CCDC88A: variants seen among roughly 807,000 people sequenced by gnomAD.
CCDC88A encodes the protein girdin.
In CCDC88A, 54 loss-of-function variants were observed where a neutral mutation model predicts 234.3. The observed-to-expected ratio is 0.23, with a 90% confidence interval of 0.19 to 0.29. CCDC88A has a LOEUF of 0.29. CCDC88A is among the 10% of genes least tolerant of loss of function. The probability of loss-of-function intolerance (pLI) is 1.00; values close to 1 mark genes in which losing one functional copy is unlikely to be tolerated. For missense variants in CCDC88A, 1,832 were observed against 2,123.4 expected, an observed-to-expected ratio of 0.86 and a Z score of 2.70; for synonymous variants, 753 against 737.8, an observed-to-expected ratio of 1.02 and a Z score of -0.33.
At position 55,295,169 on chromosome 2, in the gene CCDC88A, G is replaced by T. The variant is rs992877959; in HGVS notation, c.5551+428C>A. 2.2e-5 allele frequency: 29 copies of T among 1,309,124 alleles called. 1 individual carries two copies. In the African/African-American group the frequency reaches 4.2e-4, roughly 19 times the overall value. The allele number at this position is 1,309,124 out of a possible 1,614,324, so 81.1% of individuals were successfully genotyped here. On this transcript the variant is annotated intron_variant, in intron 31 of 32. Transcript: ENST00000436346. ...GGCATGCAGAAGTGACAAGATTGTT[G>T]CTATTTATAGAAAACTGTAGGTTAC...
At chr2:55,337,568 T>C (rs1261473390) in intron 13 of CCDC88A, 5 of 152,178 alleles carry the variant, frequency 3.3e-5, no homozygotes, top group Admixed American at 6.6e-5. Flanking sequence ...GCAATTTTAA[T>C]TTTTCTATTT....
rs1682463392 is a variant in CCDC88A, at chr2:55,312,532, T to C, written c.3981A>G (p.Leu1327=). The change falls in exon 23 of 33, where the codon CTA becomes CTG. Residue 1327 remains leucine (L), a synonymous_variant. Coordinates refer to ENST00000436346, the MANE Select transcript of CCDC88A (RefSeq NM_001365480.1). ...GCATTAATGTCTGAATTTGATCTAG[T>C]AGATGCCGATTTTCTTCTTCTAAAT... is the stretch of plus-strand genomic sequence containing the variant. ...KGNLEEENRH[L]LDQIQTLMLQ... is the part of the protein sequence containing the mutation. 2 of 1,610,798 alleles carry C rather than the reference T, an allele frequency of 1.2e-6. No homozygotes were observed. The highest frequency in any genetic ancestry group is 1.7e-6 in the Non-Finnish European group (2 of 1,178,486).
At chr2:55,304,790 G>T (rs1330045389) in intron 25 of CCDC88A, among the ~76,000 whole-genome samples, 3 of 152,052 alleles carry the variant, frequency 2.0e-5, no homozygotes, top group East Asian at 3.8e-4. Flanking sequence ...AAAAATTATT[G>T]TATCTTTTTA....
intron 17 of CCDC88A, among the ~76,000 whole-genome samples, chr2:55,324,868 A>C (rs1684070501): frequency 1.3e-5 from 2 of 150,664 alleles, no homozygotes; most frequent in African/African-American, 2.4e-5. Context: ...CTCGTCTTGA[A>C]CTCCTGGCCT....
intron 3 of CCDC88A, among the ~76,000 whole-genome samples, chr2:55,382,828 C>G (rs1331612211): frequency 6.6e-6 from 1 of 152,154 alleles, no homozygotes; most frequent in Non-Finnish European, 1.5e-5. Flanking sequence ...CATGACCTCT[C>G]ATATTACTAC....
At chr2:55,415,269 C>A (rs1558857114) in intron 2 of CCDC88A, among the ~76,000 whole-genome samples, 2 of 151,948 alleles carry the variant, frequency 1.3e-5, no homozygotes, top group Non-Finnish European at 2.9e-5. Context: ...GCACTATGAT[C>A]ACATATTCCA....
chr2:55,296,231 A>G (rs776023100), intron 30 of CCDC88A, 27 bp downstream of exon 30: 3 of 1,598,250 alleles, frequency 1.9e-6, no homozygotes, highest in Non-Finnish European at 1.7e-6. Flanking sequence ...GTTCATCTAA[A>G]TTAAGGTCAT....
chr2:55,366,669 T>C (rs1397937923), intron 5 of CCDC88A, among the ~76,000 whole-genome samples: 2 of 151,676 alleles, frequency 1.3e-5, no homozygotes, highest in Admixed American at 6.6e-5. Context: ...AACCCTAAAG[T>C]TGTACATCTT....
chr2:55,298,689 T>C (rs1680493877), intron 29 of CCDC88A, among the ~76,000 whole-genome samples: 2 of 151,288 alleles, frequency 1.3e-5, no homozygotes, highest in Admixed American at 1.3e-4. Flanking sequence ...GGGCAACATG[T>C]TAGAAACCCT....
Position 55,317,181 on chromosome 2 carries a change from G to A in CCDC88A, c.3746+25C>T, listed in dbSNP as rs778566236. The stretch of plus-strand genomic sequence containing the variant: ...TATATACTTTCTATATAAAATGTTT[G>A]TTATATATAATATATATTTATTACC... On this transcript the variant is annotated intron_variant, in intron 21 of 32. Transcript: ENST00000436346. This position sits in a 1 kb window ranked among gnomAD's most constrained non-coding sequence, Gnocchi z 4.2. 480 of 1,046,642 alleles carry A rather than the reference G, an allele frequency of 4.6e-4. 2 individuals are homozygous for A. The highest frequency in any genetic ancestry group is 4.1e-4 in the Non-Finnish European group (315 of 773,230). The allele number at this position is 1,046,642 out of a possible 1,614,324, so 64.8% of individuals were successfully genotyped here.
At chr2:55,346,566 C>T (rs1420350232) in intron 9 of CCDC88A, among the ~76,000 whole-genome samples, 6 of 151,890 alleles carry the variant, frequency 4.0e-5, no homozygotes, top group Non-Finnish European at 7.4e-5. Context: ...ATTAAAAGCT[C>T]CCCCCACCAT....
chr2:55,372,418 TAAAATGAAAATATGAAA>T lies in CCDC88A; in HGVS notation c.402+17_402+33del. ...TGATAAAAATATATAAAGAGGTTGT[TAAAATGAAAATATGAAA>T]AAATATTTTAACTTACCTGAACTGC... On this transcript the variant is annotated intron_variant, in intron 5 of 32. Coordinates refer to ENST00000436346, the MANE Select transcript of CCDC88A (RefSeq NM_001365480.1). 8.9e-7 allele frequency: 1 copy of T among 1,122,652 alleles called. No homozygotes were observed. Among genetic ancestry groups the T allele is most frequent in the Non-Finnish European group, 1.3e-6 (1 of 762,564 alleles). 69.5% of individuals were successfully genotyped at this position (1,122,652 alleles called of 1,614,324 possible).
At chr2:55,416,777 CTAA>C (rs1574548046) in intron 2 of CCDC88A, 1 of 151,486 alleles carries the variant, frequency 6.6e-6, no homozygotes. Flanking sequence ...AACAGAAATC[CTAA>C]TGACTTCAAA....
intron 3 of CCDC88A, among the ~76,000 whole-genome samples, chr2:55,380,069 A>C (rs1436669846): frequency 6.8e-6 from 1 of 147,310 alleles, no homozygotes; most frequent in Non-Finnish European, 1.5e-5. Flanking sequence ...ACTAAAAAAA[A>C]AAAAAAAAAA....
rs777996302 is a variant in CCDC88A at position 55,316,046 on chromosome 2, T to C, written c.3815A>G (p.Lys1272Arg). The change falls in exon 22 of 33, where the codon AAA becomes AGA. Residue 1272 changes from lysine (K) to arginine (R), a missense_variant. Physicochemically the swap from Lys to Arg is conservative, Grantham distance 26. This residue lies in a region of CCDC88A where 1,282 missense variants were observed against 1,543.6 expected (regional missense o/e 0.83). Transcript: ENST00000436346. ...CAGTTTGGAATTATTCAGAAGACTT[T>C]TCAAATTTTTATGGTCAGTTTGTAA... Reference protein sequence around the residue: ...EVLQTDHKNLKSLLNNSKLEQ... With the variant: ...EVLQTDHKNLRSLLNNSKLEQ... The C allele has an allele frequency of 3.1e-6, 5 of 1,589,424 alleles. 1 individual carries two copies. In the South Asian group the frequency reaches 5.7e-5, roughly 18 times the overall value.
At position 55,288,451 on chromosome 2, in the gene CCDC88A, G is replaced by T. The variant is rs1338801186; in HGVS notation, c.*2749C>A. 6.6e-6 allele frequency: 1 copy of T among 152,636 alleles called. No individual in the cohort carries two copies. Among genetic ancestry groups the T allele is most frequent in the Non-Finnish European group, 1.5e-5 (1 of 68,034 alleles). 9.5% of individuals were successfully genotyped at this position (152,636 alleles called of 1,614,324 possible). ...ATTATTACTCCCCATTGTAATTCCAGATTTGGTACAGTATCTTTTTCATTT... is the reference window on the plus strand; with the variant it reads ...ATTATTACTCCCCATTGTAATTCCATATTTGGTACAGTATCTTTTTCATTT... On this transcript the variant is annotated 3_prime_UTR_variant, in exon 33 of 33. Coordinates refer to ENST00000436346, the MANE Select transcript of CCDC88A (RefSeq NM_001365480.1).
intron 5 of CCDC88A, among the ~76,000 whole-genome samples, chr2:55,370,972 A>G (rs1290227007): frequency 6.6e-6 from 1 of 152,090 alleles, no homozygotes; most frequent in Admixed American, 6.6e-5. Context: ...CGTGATCATG[A>G]CACTGCACTC....
At chr2:55,347,606 C>CATTTTTTTTTT (rs1669318273) in intron 9 of CCDC88A, among the ~76,000 whole-genome samples, 1 of 102,138 alleles carries the variant, frequency 9.8e-6, no homozygotes, top group Admixed American at 1.1e-4. Flanking sequence ...ATTCATCTAC[C>CATTTTTTTTTT]TTTTTTTTTT....
At position 55,309,918 on chromosome 2, in the gene CCDC88A, A is replaced by G. The variant is rs10202943; in HGVS notation, c.4080-664T>C. 0.071 allele frequency among the ~76,000 whole-genome samples: 10,841 copies of G among 152,200 alleles called. 1,229 individuals carry two copies. Among genetic ancestry groups the G allele is most frequent in the African/African-American group, 0.24 (9,850 of 41,490 alleles). ...TATAATATTGTGTGTGTGTATATAT[A>G]TAAAATGACTATATAATCCAAGGTA... is the stretch of plus-strand genomic sequence containing the variant. On this transcript the variant is annotated intron_variant, in intron 23 of 32. Transcript: ENST00000436346. The surrounding 1 kb of genome is among the most constrained non-coding windows in gnomAD (Gnocchi z 5.1).
Sources: gnomAD v4.1 joint callset for allele counts (sites outside exome capture counted in the v4.1 genomes callset) on GRCh38, gnomAD v4.1.1 for gene constraint, gnomAD v4.1.1 regional missense constraint, Gnocchi (gnomAD v3.1) non-coding constraint, MANE v1.5 for transcripts, NCBI Gene and HGNC (gene_info 2026-07-23, HGNC 2026-07-21) for gene names.